Variants in EPB41 observed in about 807,000 individuals in gnomAD.
EPB41 encodes protein 4.1.
EPB41 carries 65 observed loss-of-function variants against 108.0 expected under a neutral mutation model. That is an observed-to-expected ratio of 0.60 (90% CI 0.49 to 0.74). The LOEUF (loss-of-function observed/expected upper bound fraction) is 0.74, where lower values mean the gene tolerates loss of function less well. EPB41 is among the 30% of genes least tolerant of loss of function. EPB41 has a pLI of 0.00. For synonymous variants in EPB41, 336 were observed against 358.9 expected (o/e 0.94, Z 0.72); for missense variants, 875 against 1,037.0 (o/e 0.84, Z 2.15).
chr1:29,000,257 C>T (rs941271297), intron 4 of EPB41, among the ~76,000 whole-genome samples: 1 of 152,154 alleles, frequency 6.6e-6, no homozygotes, highest in Non-Finnish European at 1.5e-5. Context: ...CATCACCATG[C>T]CTGTCTAATT....
intron 1 of EPB41, among the ~76,000 whole-genome samples, chr1:28,979,070 A>G (rs1437860096): frequency 1.3e-5 from 2 of 151,444 alleles, no homozygotes; most frequent in East Asian, 3.8e-4. Context: ...ACTAATACAG[A>G]TTTGATATTA....
intron 1 of EPB41, among the ~76,000 whole-genome samples, chr1:28,971,184 T>TC (rs1416262989): frequency 5.4e-4 from 68 of 125,536 alleles, no homozygotes; most frequent in African/African-American, 2.1e-3. Flanking sequence ...TTCTTTCTTT[T>TC]TTTTTTTTTT....
At chr1:28,961,910 A>G (rs1037205208) in intron 1 of EPB41, among the ~76,000 whole-genome samples, 1 of 151,936 alleles carries the variant, frequency 6.6e-6, no homozygotes, top group Non-Finnish European at 1.5e-5. Context: ...GAAACCCATC[A>G]TGGGTTTATA....
chr1:29,008,803 C>T (rs550088548), intron 4 of EPB41, among the ~76,000 whole-genome samples: 48 of 152,348 alleles, frequency 3.2e-4, no homozygotes, highest in Admixed American at 6.5e-4. Flanking sequence ...TCCAGCTATG[C>T]TGAACCACAT....
At chr1:28,934,876 A>T (rs988895904) in intron 1 of EPB41, among the ~76,000 whole-genome samples, 4 of 151,622 alleles carry the variant, frequency 2.6e-5, no homozygotes, top group Non-Finnish European at 5.9e-5. Flanking sequence ...AAACGCCTGT[A>T]CTCCCAGCAC....
At chr1:29,111,423 G>A (rs1292934655) in intron 18 of EPB41, among the ~76,000 whole-genome samples, 4 of 151,982 alleles carry the variant, frequency 2.6e-5, no homozygotes, top group Non-Finnish European at 2.9e-5. Flanking sequence ...TTGGGAGGCC[G>A]GGGCGGGCAG....
intron 1 of EPB41, among the ~76,000 whole-genome samples, chr1:28,966,844 T>A (rs1004776700): frequency 1.3e-5 from 2 of 152,120 alleles, no homozygotes; most frequent in African/African-American, 4.8e-5. Flanking sequence ...GACAGGCAAT[T>A]GCAAGGACTT....
intron 16 of EPB41, among the ~76,000 whole-genome samples, chr1:29,075,074 A>G (rs1415542490): frequency 2.1e-5 from 3 of 145,728 alleles, no homozygotes; most frequent in Non-Finnish European, 3.0e-5. Flanking sequence ...GGAGAATGAC[A>G]TGAACCTGGG....
intron 2 of EPB41, among the ~76,000 whole-genome samples, chr1:28,989,070 G>A (rs1451596422): frequency 2.6e-5 from 4 of 152,192 alleles, no homozygotes; most frequent in African/African-American, 9.6e-5. Context: ...CTTCCTAAAA[G>A]CTGTGTGATG....
At chr1:29,053,574 T>A (rs1031098880) in intron 12 of EPB41, 7 of 353,084 alleles carry the variant, frequency 2.0e-5, no homozygotes, top group Admixed American at 4.2e-5. Context: ...TTATTTATTT[T>A]TTTGAGATGG....
rs188271831 is a variant in EPB41, at chr1:28,988,132, G to A, written c.468+227G>A. On this transcript the variant is annotated intron_variant, in intron 2 of 20. Coordinates refer to ENST00000343067, the MANE Select transcript of EPB41 (RefSeq NM_001376013.1). ...ACAAAAATTAGCCGGGCCTGATGGCGGGTGCCTGTAATCCCAGCTACTCAG... is the reference window on the plus strand; with the variant it reads ...ACAAAAATTAGCCGGGCCTGATGGCAGGTGCCTGTAATCCCAGCTACTCAG... Among the ~76,000 whole-genome samples the A allele has an allele frequency of 3.8e-3, 574 of 152,224 alleles. 6 individuals are homozygous for A. Among genetic ancestry groups the A allele is most frequent in the African/African-American group, 0.013 (531 of 41,544 alleles).
rs376577771 is a variant in EPB41 at position 29,074,341 on chromosome 1, C to CT, written c.2184+9191dup. ...GTTTTTATTATACATAGAAACTTCA[C>CT]TTTTTTTTCATATACTCAAATTACA... On this transcript the variant is annotated intron_variant, in intron 16 of 20. Transcript: ENST00000343067. 4.4e-3 allele frequency among the ~76,000 whole-genome samples: 663 copies of CT among 152,036 alleles called. 4 individuals carry two copies. The highest frequency in any genetic ancestry group is 0.015 in the African/African-American group (629 of 41,472).
chr1:29,039,930 T>C (rs1193980974), intron 11 of EPB41, among the ~76,000 whole-genome samples: 1 of 152,230 alleles, frequency 6.6e-6, no homozygotes, highest in Admixed American at 6.5e-5. Flanking sequence ...TAGATCATGG[T>C]TCCACTGCTA....
At chr1:29,091,081 GA>G (rs1393276037) in intron 16 of EPB41, among the ~76,000 whole-genome samples, 1 of 152,052 alleles carries the variant, frequency 6.6e-6, no homozygotes, top group Non-Finnish European at 1.5e-5. Context: ...ACATGCTTTG[GA>G]AAAAAAGAGA....
chr1:28,916,941 C>T (rs1286377815), intron 1 of EPB41, among the ~76,000 whole-genome samples: 1 of 151,830 alleles, frequency 6.6e-6, no homozygotes. Context: ...TAGGCGTGTG[C>T]CCCCATGCTT....
intron 1 of EPB41, among the ~76,000 whole-genome samples, chr1:28,924,538 AAT>A (rs2093333727): frequency 1.3e-5 from 2 of 152,154 alleles, no homozygotes; most frequent in East Asian, 3.9e-4. Context: ...TCAAAAAAAA[AAT>A]AAAAAAGACC....
At chr1:28,982,105 T>C (rs2095763547) in intron 1 of EPB41, among the ~76,000 whole-genome samples, 1 of 151,844 alleles carries the variant, frequency 6.6e-6, no homozygotes, top group Admixed American at 6.6e-5. Flanking sequence ...CCATGTGTTC[T>C]CGTTGTTCAA....
intron 16 of EPB41, among the ~76,000 whole-genome samples, chr1:29,081,618 C>T (rs1256530173): frequency 6.6e-6 from 1 of 152,126 alleles, no homozygotes; most frequent in East Asian, 1.9e-4. Context: ...GGTGGATCGC[C>T]TGAGGTCGGG....
rs1216026092 is a variant in EPB41 at position 29,119,391 on chromosome 1, A to T, written c.*2579A>T. On this transcript the variant is annotated 3_prime_UTR_variant, in exon 21 of 21. Coordinates refer to ENST00000343067, the MANE Select transcript of EPB41 (RefSeq NM_001376013.1). ...CATTTCCAGGGTCAGAAACTTGGCA[A>T]CAGTTTTCCTAGAGTGACTCAGACA... 1 of 152,534 alleles carries T rather than the reference A, an allele frequency of 6.6e-6. No homozygotes were observed. Among genetic ancestry groups the T allele is most frequent in the Non-Finnish European group, 1.5e-5 (1 of 68,040 alleles). 9.4% of individuals were successfully genotyped at this position (152,534 alleles called of 1,614,324 possible).
Sources: allele counts gnomAD v4.1 joint callset (sites outside exome capture counted in the v4.1 genomes callset), GRCh38; gene constraint gnomAD v4.1.1; transcripts MANE v1.5; gene names NCBI Gene and HGNC (gene_info 2026-07-23, HGNC 2026-07-21).